The following NCK2 variants were observed in gnomAD, a reference collection of about 807,000 sequenced individuals.
NCK2 encodes cytoplasmic protein NCK2.
A neutral mutation model predicts 33.9 loss-of-function variants in NCK2; 16 were observed. That is an observed-to-expected ratio of 0.47 (90% confidence interval 0.32 to 0.72). NCK2 has a LOEUF of 0.72. NCK2 is among the 30% of genes least tolerant of loss of function. The probability of loss-of-function intolerance (pLI) is 0.03; values close to 1 mark genes in which losing one functional copy is unlikely to be tolerated. For synonymous variants in NCK2, 273 were observed against 239.9 expected (o/e 1.14, Z -1.27); for missense variants, 418 against 537.3 (o/e 0.78, Z 2.19).
intron 1 of NCK2, among the ~76,000 whole-genome samples, chr2:105,768,723 T>C (rs957194303): frequency 3.3e-5 from 5 of 152,358 alleles, no homozygotes; most frequent in Admixed American, 3.3e-4. Context: ...GTGTATTTTA[T>C]GTATGGCCCA....
At chr2:105,773,374 G>A (rs931809901) in intron 1 of NCK2, among the ~76,000 whole-genome samples, 4 of 151,964 alleles carry the variant, frequency 2.6e-5, no homozygotes, top group Admixed American at 2.0e-4. Context: ...TACACGTGCC[G>A]GCCTCCATCA....
chr2:105,767,025 CCTACTCTTATGGTCAG>C (rs949095665), intron 1 of NCK2, among the ~76,000 whole-genome samples: 30 of 152,134 alleles, frequency 2.0e-4, no homozygotes, highest in Non-Finnish European at 2.9e-5. Context: ...GTGTGTCACA[CCTACTCTTATGGTCAG>C]CTACTCGTAT....
At chr2:105,856,540 A>C (rs889804853) in intron 3 of NCK2, 1 of 152,212 alleles carries the variant, frequency 6.6e-6, no homozygotes. Context: ...TTATACACCA[A>C]ATGTGGTGGG....
chr2:105,871,124 C>T (rs1376974605), intron 3 of NCK2, among the ~76,000 whole-genome samples: 5 of 152,008 alleles, frequency 3.3e-5, no homozygotes, highest in South Asian at 2.1e-4. Flanking sequence ...GATGAGACAG[C>T]GAGTGAGGTT....
chr2:105,816,123 G>A (rs115515826), intron 1 of NCK2, among the ~76,000 whole-genome samples: 1,557 of 152,256 alleles, frequency 0.01, 17 homozygotes, highest in Middle Eastern at 0.027. Flanking sequence ...TTTAATCTGG[G>A]ATATATTTAA....
chr2:105,835,007 A>C (rs1314681296), intron 2 of NCK2, among the ~76,000 whole-genome samples: 4 of 152,084 alleles, frequency 2.6e-5, no homozygotes, highest in Non-Finnish European at 5.9e-5. Flanking sequence ...TGAGAGATGA[A>C]GGCAAACTCT....
At chr2:105,769,016 C>G (rs950785150) in intron 1 of NCK2, among the ~76,000 whole-genome samples, 17 of 152,158 alleles carry the variant, frequency 1.1e-4, no homozygotes, top group African/African-American at 3.6e-4. Context: ...TTCCCACTCT[C>G]TAATCACACG....
chr2:105,787,651 A>C (rs1034303670), intron 1 of NCK2, among the ~76,000 whole-genome samples: 1 of 152,096 alleles, frequency 6.6e-6, no homozygotes, highest in Non-Finnish European at 1.5e-5. Flanking sequence ...AAGCTACCTC[A>C]GTCTCTCCCT....
At chr2:105,758,160 A>G (rs1252594406) in intron 1 of NCK2, among the ~76,000 whole-genome samples, 4 of 152,188 alleles carry the variant, frequency 2.6e-5, no homozygotes, top group Non-Finnish European at 4.4e-5. Flanking sequence ...TGCAGGTCTC[A>G]GGTAGCACAC....
At chr2:105,791,534 A>G (rs1690885376) in intron 1 of NCK2, among the ~76,000 whole-genome samples, 1 of 152,040 alleles carries the variant, frequency 6.6e-6, no homozygotes. Context: ...GGATGTCCTT[A>G]TTTGTTCCGT....
chr2:105,825,605 G>GAAATC (rs1373789695), intron 2 of NCK2, among the ~76,000 whole-genome samples: 7 of 152,192 alleles, frequency 4.6e-5, no homozygotes, highest in Admixed American at 4.6e-4. Flanking sequence ...GGTCAGCAGA[G>GAAATC]AAATCACATA....
intron 3 of NCK2, among the ~76,000 whole-genome samples, chr2:105,875,065 A>G (rs1678178625): frequency 1.3e-5 from 2 of 152,248 alleles, no homozygotes; most frequent in South Asian, 4.1e-4. Context: ...AAATGCAGAT[A>G]AAGTCATGGC....
intron 1 of NCK2, among the ~76,000 whole-genome samples, chr2:105,793,926 C>G (rs1690982321): frequency 6.6e-6 from 1 of 152,048 alleles, no homozygotes; most frequent in Non-Finnish European, 1.5e-5. Flanking sequence ...GTGTCTGAGC[C>G]TTTTCAGTGG....
chr2:105,808,567 C>T (rs747173225), intron 1 of NCK2, among the ~76,000 whole-genome samples: 2 of 152,202 alleles, frequency 1.3e-5, no homozygotes, highest in Non-Finnish European at 2.9e-5. Flanking sequence ...CACCAGTTTA[C>T]TACAAATGCC....
At position 105,873,577 on chromosome 2, in the gene NCK2, G is replaced by A. The variant is rs777424581; in HGVS notation, c.227-7751G>A. Among the ~76,000 whole-genome samples, 13 of 152,158 alleles carry A rather than the reference G, an allele frequency of 8.5e-5. No individual in the cohort carries two copies. The East Asian group carries it at 1.2e-3, about 14-fold the overall frequency. ...TTTTCAGCTCACCCATATTTACCAC[G>A]TTTTCAGATGGGAATCAACAGTTTG... On this transcript the variant is annotated intron_variant, in intron 3 of 4. Transcript: ENST00000233154.
chr2:105,777,412 C>A (rs193036946), intron 1 of NCK2, among the ~76,000 whole-genome samples: 1 of 152,156 alleles, frequency 6.6e-6, no homozygotes, highest in African/African-American at 2.4e-5. Context: ...CACACAGACT[C>A]CTGAGAGTGT....
intron 2 of NCK2, among the ~76,000 whole-genome samples, chr2:105,827,238 A>T (rs918759751): frequency 6.6e-6 from 1 of 152,178 alleles, no homozygotes; most frequent in South Asian, 2.1e-4. Flanking sequence ...TGACCTCGTG[A>T]TCTACCCGCC....
intron 4 of NCK2, among the ~76,000 whole-genome samples, chr2:105,890,159 T>C (rs1678912079): frequency 6.6e-6 from 1 of 152,156 alleles, no homozygotes. Context: ...AGGTTTCTGC[T>C]CAGGAGCCCA....
intron 1 of NCK2, among the ~76,000 whole-genome samples, chr2:105,797,308 C>T (rs1007529084): frequency 1.2e-4 from 18 of 152,248 alleles, no homozygotes; most frequent in African/African-American, 4.3e-4. Flanking sequence ...CTTTTCTGCA[C>T]AGGAAATAAC....
Sources: gnomAD v4.1 joint callset for allele counts (sites outside exome capture counted in the v4.1 genomes callset) on GRCh38, gnomAD v4.1.1 for gene constraint, MANE v1.5 for transcripts, NCBI Gene and HGNC (gene_info 2026-07-23, HGNC 2026-07-21) for gene names.